LMNB2: variants seen among roughly 807,000 people sequenced by gnomAD.
LMNB2 encodes lamin B2, also known as lamin-B2.
In LMNB2, 17 loss-of-function variants were observed where a neutral mutation model predicts 69.3. The ratio of observed to expected loss-of-function variants is 0.25; its 90% CI spans 0.17 to 0.37. The LOEUF (loss-of-function observed/expected upper bound fraction) is 0.37, where lower values mean the gene tolerates loss of function less well. Ranked by LOEUF, LMNB2 falls within the 10% of genes least tolerant of loss-of-function variation. The pLI is 1.00. For synonymous variants in LMNB2, 397 were observed against 389.3 expected, an observed-to-expected ratio of 1.02 and a Z score of -0.23; for missense variants, 789 against 883.6, an observed-to-expected ratio of 0.89 and a Z score of 1.36.
At chr19:2,433,109 T>C (rs1261592055) in intron 8 of LMNB2, among the ~76,000 whole-genome samples, 2 of 99,028 alleles carry the variant, frequency 2.0e-5, no homozygotes, top group Non-Finnish European at 4.2e-5. Flanking sequence ...CTGCCTCGCA[T>C]TGGCCGGCGG....
intron 2 of LMNB2, among the ~76,000 whole-genome samples, chr19:2,442,684 C>T (rs1971911565): frequency 6.6e-6 from 1 of 152,098 alleles, no homozygotes; most frequent in South Asian, 2.1e-4. Context: ...GAGTTCGAGG[C>T]TGCAGCGAGC....
Position 2,435,741 on chromosome 19 carries a change from T to C in LMNB2, c.685-570A>G, listed in dbSNP as rs192568046. Reference sequence around the variant, plus strand: ...CAGGAGGCTGAGACAAGAGAATCGCTTGACCTTGGGAGGTTGCAGTGAGCC... The same window carrying C: ...CAGGAGGCTGAGACAAGAGAATCGCCTGACCTTGGGAGGTTGCAGTGAGCC... On this transcript the variant is annotated intron_variant, in intron 4 of 11. Transcript: ENST00000325327. Among the ~76,000 whole-genome samples the C allele has an allele frequency of 3.3e-5, 5 of 152,108 alleles. No homozygotes were observed. In the East Asian group the frequency reaches 7.7e-4, roughly 24 times the overall value.
At position 2,434,864 on chromosome 19, in the gene LMNB2, G is replaced by T; in HGVS notation, c.905C>A (p.Ala302Glu). The T allele has an allele frequency of 6.2e-7, 1 of 1,607,614 alleles. No individual in the cohort carries two copies. The change falls in exon 6 of 12, where the codon GCG becomes GAG. Residue 302 changes from alanine to glutamate, a missense_variant. Around this residue, in one of 3 missense-constraint regions of LMNB2, gnomAD observed 609 missense variants for 630.9 expected, o/e 0.97. Transcript: ENST00000325327. Reference sequence around the variant, plus strand: ...GGCCTCCTTCAGCTCCTCGCGAGCCGCACTGGCCGCCTTGTCGTTCTGGTC... The same window carrying T: ...GGCCTCCTTCAGCTCCTCGCGAGCCTCACTGGCCGCCTTGTCGTTCTGGTC... ...SSDQNDKAAS[A>E]AREELKEARM...
At chr19:2,435,581 T>C (rs1461877316) in intron 4 of LMNB2, among the ~76,000 whole-genome samples, 1 of 151,530 alleles carries the variant, frequency 6.6e-6, no homozygotes, top group Non-Finnish European at 1.5e-5. Flanking sequence ...TCTTTTTGGG[T>C]GATGGAATGT....
At chr19:2,439,431 T>C (rs1971868241) in intron 2 of LMNB2, among the ~76,000 whole-genome samples, 1 of 152,134 alleles carries the variant, frequency 6.6e-6, no homozygotes, top group African/African-American at 2.4e-5. Context: ...TGCTGACATT[T>C]GGGGTGGTCC....
chr19:2,449,531 G>A lies in LMNB2; in HGVS notation c.265-4991C>T, dbSNP rs190008691. ...GCGCTGGTGCATGCCTGAAATCCCAGCACTTTGGGAGGCTGAGGCGGGCGA... is the reference window on the plus strand; with the variant it reads ...GCGCTGGTGCATGCCTGAAATCCCAACACTTTGGGAGGCTGAGGCGGGCGA... On this transcript the variant is annotated intron_variant, in intron 1 of 11. Coordinates refer to ENST00000325327, the MANE Select transcript of LMNB2 (RefSeq NM_032737.4). Among the ~76,000 whole-genome samples the A allele has an allele frequency of 3.5e-4, 53 of 152,342 alleles. No homozygotes were observed. The East Asian group carries it at 0.01, about 29-fold the overall frequency.
chr19:2,450,028 T>A (rs916810314), intron 1 of LMNB2, among the ~76,000 whole-genome samples: 1 of 151,806 alleles, frequency 6.6e-6, no homozygotes, highest in Non-Finnish European at 1.5e-5. Flanking sequence ...TGAGCCAAGA[T>A]CACGCCACTG....
At position 2,456,892 on chromosome 19, in the gene LMNB2, C is replaced by T; in HGVS notation, c.42G>A (p.Arg14=). The change falls in exon 1 of 12, where the codon AGG becomes AGA. Residue 14 remains arginine (R), a synonymous_variant. Transcript: ENST00000325327. ...PSPGRRREQR[R]PRAAATMATP... ...TGGCCATGGTGGCGGCGGCTCGCGG[C>T]CTGCGCTGCTCCCGACGGCGGCCCG... 1 of 1,054,194 alleles carries T rather than the reference C, an allele frequency of 9.5e-7. No homozygotes were observed. The highest frequency in any genetic ancestry group is 1.1e-6 in the Non-Finnish European group (1 of 877,820). 65.3% of individuals were successfully genotyped at this position (1,054,194 alleles called of 1,614,324 possible). A position where few individuals can be genotyped will look rare whatever the true frequency, so the allele number is the denominator to read the frequency against.
chr19:2,436,380 CA>C (rs1346519763), intron 4 of LMNB2, among the ~76,000 whole-genome samples: 1 of 134,304 alleles, frequency 7.4e-6, no homozygotes, highest in African/African-American at 2.9e-5. Flanking sequence ...GACTCCATCT[CA>C]AAAACAAAAC....
In LMNB2 at chr19:2,435,213, C is replaced by A. The variant is rs764457073; in HGVS notation, c.685-42G>T. 5.6e-6 allele frequency: 9 copies of A among 1,595,400 alleles called. No homozygotes were observed. The African/African-American group carries it at 1.2e-4, about 21-fold the overall frequency. On this transcript the variant is annotated intron_variant, in intron 4 of 11. Coordinates refer to ENST00000325327, the MANE Select transcript of LMNB2 (RefSeq NM_032737.4). ...CGTGACCCTCTGGTCCCGCCTGGGCCCCAAGCACCAGGCCCAAGGGAGGGC... is the reference window on the plus strand; with the variant it reads ...CGTGACCCTCTGGTCCCGCCTGGGCACCAAGCACCAGGCCCAAGGGAGGGC...
In LMNB2 at chr19:2,434,485, G is replaced by T. The variant is rs1467066751; in HGVS notation, c.1012C>A (p.Leu338Met). Residue 338 changes from leucine to methionine, a missense_variant, in exon 7 of 12, where the codon CTG (leucine) becomes ATG (methionine). Leu to Met is a conservative substitution (Grantham distance 15). This residue lies in a region of LMNB2 where 609 missense variants were observed against 630.9 expected (regional missense o/e 0.97). Transcript: ENST00000325327. ...ASAAEDRIRE[L>M]EEAMAGERDK... ...CGCTCCCCGGCCATGGCCTCCTCCA[G>T]CTCCCGAATGCGATCTTCAGCGGCA... The T allele has an allele frequency of 3.1e-6, 5 of 1,613,078 alleles. No individual in the cohort carries two copies. The Admixed American group carries it at 8.3e-5, about 27-fold the overall frequency.
At position 2,444,464 on chromosome 19, in the gene LMNB2, C is replaced by T. The variant is rs201499035; in HGVS notation, c.341G>A (p.Arg114His). 2.5e-5 allele frequency: 41 copies of T among 1,613,664 alleles called. No individual in the cohort carries two copies. The highest frequency in any genetic ancestry group is 6.7e-5 in the African/African-American group (5 of 75,068). The change falls in exon 2 of 12, where the codon CGT becomes CAT. Residue 114 changes from arginine (R) to histidine (H), a missense_variant. Coordinates refer to ENST00000325327, the MANE Select transcript of LMNB2 (RefSeq NM_032737.4). ...RRVLDETARE[R>H]ARLQIEIGKL... ...CCCAATCTCTATCTGCAGCCGGGCA[C>T]GCTCTCGAGCCGTCTCATCCAGGAC... is the stretch of plus-strand genomic sequence containing the variant.
intron 8 of LMNB2, 44 bp downstream of exon 8, chr19:2,433,782 G>A: frequency 6.2e-7 from 1 of 1,601,026 alleles, no homozygotes; most frequent in African/African-American, 1.4e-5. Flanking sequence ...ACCCCCATCA[G>A]CTGGGTCACC....
intron 1 of LMNB2, among the ~76,000 whole-genome samples, chr19:2,452,793 G>A (rs1275583972): frequency 2.6e-5 from 4 of 152,146 alleles, no homozygotes; most frequent in African/African-American, 9.7e-5. Context: ...GCTGTGAGTC[G>A]TGTTATGAGC....
intron 1 of LMNB2, 35 bp downstream of exon 1, chr19:2,456,635 G>A: frequency 1.4e-6 from 2 of 1,443,370 alleles, no homozygotes; most frequent in South Asian, 1.3e-5. Flanking sequence ...CCTGCCGGCT[G>A]CACCCCCGCC....
At position 2,428,718 on chromosome 19, in the gene LMNB2, G is replaced by A. The variant is rs1265368496; in HGVS notation, c.*2193C>T. 1.3e-5 allele frequency: 2 copies of A among 152,250 alleles called. No individual in the cohort carries two copies. The highest frequency in any genetic ancestry group is 2.4e-5 in the African/African-American group (1 of 41,460). The allele number at this position is 152,250 out of a possible 1,614,324, so 9.4% of individuals were successfully genotyped here. On this transcript the variant is annotated 3_prime_UTR_variant, in exon 12 of 12. Coordinates refer to ENST00000325327, the MANE Select transcript of LMNB2 (RefSeq NM_032737.4). ...GGGATGGTTTCGCATCGTTCTAAGC[G>A]GCACACAGCTAAGCGTATTTGGGGA...
intron 4 of LMNB2, among the ~76,000 whole-genome samples, chr19:2,435,442 AC>A (rs955093952): frequency 1.6e-4 from 25 of 152,194 alleles, no homozygotes; most frequent in African/African-American, 6.0e-4. Flanking sequence ...GACGCCAGAC[AC>A]AAAAGGCCAC....
chr19:2,456,798 C>T lies in LMNB2; in HGVS notation c.136G>A (p.Glu46Lys). ...LSPTRLSRLQ[E>K]KEELRELNDR... The stretch of plus-strand genomic sequence containing the variant: ...TTGAGCTCGCGCAGCTCCTCCTTCT[C>T]CTGCAGCCGCGACAGGCGCGTGGGC... The change falls in exon 1 of 12, where the codon GAG becomes AAG. Residue 46 changes from glutamate (E) to lysine (K), a missense_variant. This residue lies in a region of LMNB2 where 145 missense variants were observed against 228.9 expected (regional missense o/e 0.63). Coordinates refer to ENST00000325327, the MANE Select transcript of LMNB2 (RefSeq NM_032737.4). The T allele has an allele frequency of 6.6e-7, 1 of 1,507,176 alleles. No individual in the cohort carries two copies. The highest frequency in any genetic ancestry group is 8.9e-7 in the Non-Finnish European group (1 of 1,124,676). 93.4% of individuals were successfully genotyped at this position (1,507,176 alleles called of 1,614,324 possible).
intron 2 of LMNB2, 40 bp downstream of exon 2, chr19:2,444,364 C>T (rs1197995640): frequency 1.2e-6 from 2 of 1,612,330 alleles, no homozygotes; most frequent in Non-Finnish European, 1.7e-6. Context: ...CCCGTGGTGC[C>T]AGGATCAGGG....
Sources: allele counts gnomAD v4.1 joint callset (sites outside exome capture counted in the v4.1 genomes callset), GRCh38; gene constraint gnomAD v4.1.1; regional missense constraint gnomAD v4.1.1; transcripts MANE v1.5; gene names NCBI Gene and HGNC (gene_info 2026-07-23, HGNC 2026-07-21).